The following DOCK3 variants were observed in gnomAD, a reference collection of about 807,000 sequenced individuals.
The protein encoded by DOCK3 is dedicator of cytokinesis 3, also known as dedicator of cytokinesis protein 3.
Under a neutral mutation model 265.6 loss-of-function variants are expected in DOCK3, and 60 were observed. The observed-to-expected ratio is 0.23, with a 90% CI of 0.18 to 0.28. DOCK3 has a LOEUF of 0.28. Ranked by LOEUF, DOCK3 falls within the 10% of genes least tolerant of loss-of-function variation. The pLI is 1.00. For missense variants in DOCK3, 1,981 were observed against 2,594.3 expected (o/e 0.76, Z 5.14); for synonymous variants, 881 against 938.0 (o/e 0.94, Z 1.11).
At chr3:51,330,949 T>C in intron 33 of DOCK3, among the ~76,000 whole-genome samples, 1 of 152,260 alleles carries the variant, frequency 6.6e-6, no homozygotes, top group East Asian at 1.9e-4. Context: ...TAGTACCATT[T>C]TGAAGACAAA....
intron 5 of DOCK3, among the ~76,000 whole-genome samples, chr3:51,017,400 C>G (rs1376911123): frequency 6.6e-6 from 1 of 151,226 alleles, no homozygotes; most frequent in Admixed American, 6.6e-5. Context: ...CACTGGCTAA[C>G]TTTGAGTTTG....
chr3:50,678,776 G>A (rs904728803), intron 1 of DOCK3, among the ~76,000 whole-genome samples: 7 of 151,090 alleles, frequency 4.6e-5, no homozygotes, highest in African/African-American at 1.7e-4. Context: ...CAAGTAGCTG[G>A]GACTACAGGT....
intron 12 of DOCK3, among the ~76,000 whole-genome samples, chr3:51,198,619 T>C (rs939945480): frequency 6.7e-6 from 1 of 150,082 alleles, no homozygotes; most frequent in African/African-American, 2.5e-5. Flanking sequence ...GGGATGGAGC[T>C]AGTGAGACTA....
chr3:51,348,706 A>C (rs529393840), intron 38 of DOCK3, 146 bp from the exon 39 acceptor site: 7 of 738,398 alleles, frequency 9.5e-6, no homozygotes, highest in African/African-American at 8.7e-5. Context: ...ATGCCCCCCA[A>C]ATTGGTCTTG....
intron 27 of DOCK3, among the ~76,000 whole-genome samples, chr3:51,299,081 G>A (rs2082245494): frequency 6.6e-6 from 1 of 152,118 alleles, no homozygotes; most frequent in African/African-American, 2.4e-5. Flanking sequence ...ACCAGCATCT[G>A]TTGTTTCTTG....
chr3:51,278,141 A>T (rs1057105365), intron 26 of DOCK3: 6 of 985,350 alleles, frequency 6.1e-6, no homozygotes, highest in Admixed American at 1.2e-4. Context: ...TGTACAGGAC[A>T]GAATAATTTT....
chr3:51,362,123 C>A (rs2086783578), intron 48 of DOCK3, 126 bp downstream of exon 48: 1 of 1,242,476 alleles, frequency 8.0e-7, no homozygotes, highest in Non-Finnish European at 1.1e-6. Flanking sequence ...TTCAGAACAC[C>A]CCTCACCAGA....
chr3:50,973,534 A>G (rs1437823593), intron 5 of DOCK3, among the ~76,000 whole-genome samples: 4 of 144,046 alleles, frequency 2.8e-5, no homozygotes, highest in Admixed American at 2.1e-4. Flanking sequence ...AATCCAGTCT[A>G]TCATTGTTGG....
At chr3:50,861,786 G>A (rs920802646) in intron 3 of DOCK3, among the ~76,000 whole-genome samples, 2 of 139,394 alleles carry the variant, frequency 1.4e-5, no homozygotes, top group African/African-American at 2.7e-5. Context: ...GCATTTGTGT[G>A]ATCTTTATCC....
At chr3:51,139,525 A>T (rs2084954253) in intron 9 of DOCK3, among the ~76,000 whole-genome samples, 1 of 152,166 alleles carries the variant, frequency 6.6e-6, no homozygotes, top group African/African-American at 2.4e-5. Flanking sequence ...TTCTTCAGGA[A>T]ATGTCCACCT....
intron 6 of DOCK3, among the ~76,000 whole-genome samples, chr3:51,068,425 AG>A (rs1190249392): frequency 6.6e-6 from 1 of 151,132 alleles, no homozygotes; most frequent in Non-Finnish European, 1.5e-5. Flanking sequence ...CTGTAGTCCC[AG>A]CTACTCGGGA....
intron 19 of DOCK3, among the ~76,000 whole-genome samples, chr3:51,230,249 A>G (rs538977853): frequency 6.6e-6 from 1 of 152,300 alleles, no homozygotes; most frequent in South Asian, 2.1e-4. Context: ...AGTACCCAGC[A>G]GTTTTTCAAC....
intron 2 of DOCK3, among the ~76,000 whole-genome samples, chr3:50,812,710 G>A (rs574796670): frequency 1.3e-4 from 20 of 152,310 alleles, no homozygotes; most frequent in South Asian, 2.1e-4. Flanking sequence ...GGGGCGGGCC[G>A]TCTGCTTTAT....
chr3:50,808,946 T>C (rs2043582003), intron 2 of DOCK3, among the ~76,000 whole-genome samples: 1 of 152,266 alleles, frequency 6.6e-6, no homozygotes. Context: ...CAGAATATAC[T>C]CCAAACTCAA....
intron 1 of DOCK3, among the ~76,000 whole-genome samples, chr3:50,752,707 G>A (rs1324706923): frequency 3.3e-5 from 5 of 152,048 alleles, no homozygotes; most frequent in Non-Finnish European, 7.4e-5. Flanking sequence ...GAACCCAGGA[G>A]GCAGAGGTTG....
chr3:51,344,692 G>T (rs953322790), intron 38 of DOCK3, among the ~76,000 whole-genome samples: 1 of 152,212 alleles, frequency 6.6e-6, no homozygotes, highest in Non-Finnish European at 1.5e-5. Flanking sequence ...GGGAGTTTTA[G>T]AGTTAGCTTT....
chr3:50,880,446 T>A, intron 3 of DOCK3: 1 of 154,054 alleles, frequency 6.5e-6, no homozygotes. Context: ...AAAGGGGATA[T>A]CACCGCCGAT....
chr3:50,848,705 C>G (rs1294896098), intron 3 of DOCK3, among the ~76,000 whole-genome samples: 1 of 152,170 alleles, frequency 6.6e-6, no homozygotes, highest in African/African-American at 2.4e-5. Flanking sequence ...ATGTTTTACC[C>G]TAGCTTCCTT....
intron 5 of DOCK3, among the ~76,000 whole-genome samples, chr3:51,034,202 A>G (rs1032228718): frequency 6.6e-6 from 1 of 152,124 alleles, no homozygotes; most frequent in Non-Finnish European, 1.5e-5. Context: ...TATAGGTGGC[A>G]TTTAAGTGCC....
Sources: allele counts gnomAD v4.1 joint callset (sites outside exome capture counted in the v4.1 genomes callset), GRCh38; gene constraint gnomAD v4.1.1; transcripts MANE v1.5; gene names NCBI Gene and HGNC (gene_info 2026-07-23, HGNC 2026-07-21).